The following ZBTB20 variants were observed in gnomAD, a reference collection of about 807,000 sequenced individuals.
ZBTB20 encodes the protein zinc finger and BTB domain containing 20.
ZBTB20 carries 9 observed loss-of-function variants against 56.9 expected under a neutral mutation model. That is an observed-to-expected ratio of 0.16 (90% CI 0.10 to 0.28). The LOEUF (loss-of-function observed/expected upper bound fraction) is 0.28. ZBTB20 is among the 10% of genes least tolerant of loss of function. The pLI is 1.00. For synonymous variants in ZBTB20, 417 were observed against 420.7 expected, an observed-to-expected ratio of 0.99 and a Z score of 0.11; for missense variants, 655 against 1,003.0, an observed-to-expected ratio of 0.65 and a Z score of 4.69.
At chr3:114,402,396 G>A (rs752325754) in intron 7 of ZBTB20, among the ~76,000 whole-genome samples, 3 of 152,082 alleles carry the variant, frequency 2.0e-5, no homozygotes, top group Non-Finnish European at 4.4e-5. Context: ...GGCTAAAAAG[G>A]AAAAGAGAGA....
intron 7 of ZBTB20, among the ~76,000 whole-genome samples, chr3:114,463,622 G>A (rs143226720): frequency 1.3e-5 from 2 of 152,226 alleles, no homozygotes; most frequent in South Asian, 2.1e-4. Context: ...ATCTTCAAAG[G>A]CTTTTTCTTG....
At chr3:114,908,617 A>G (rs1350986149) in intron 3 of ZBTB20, among the ~76,000 whole-genome samples, 1 of 152,014 alleles carries the variant, frequency 6.6e-6, no homozygotes, top group Non-Finnish European at 1.5e-5. Flanking sequence ...AAATCCGAAG[A>G]AAGGTTCATC....
At chr3:114,885,442 T>TCC (rs2076566126) in intron 4 of ZBTB20, among the ~76,000 whole-genome samples, 1 of 151,916 alleles carries the variant, frequency 6.6e-6, no homozygotes, top group Non-Finnish European at 1.5e-5. Context: ...TTAGTGTCTC[T>TCC]CTCTCGGTCT....
At chr3:115,011,831 T>TA (rs962309659) in intron 2 of ZBTB20, among the ~76,000 whole-genome samples, 1 of 151,412 alleles carries the variant, frequency 6.6e-6, no homozygotes, top group African/African-American at 2.4e-5. Flanking sequence ...GATGAACCGA[T>TA]AAAAAAAATA....
chr3:114,513,966 ATATG>A (rs1021034900), intron 6 of ZBTB20, among the ~76,000 whole-genome samples: 1 of 151,904 alleles, frequency 6.6e-6, no homozygotes, highest in Non-Finnish European at 1.5e-5. Flanking sequence ...TACTGCATAA[ATATG>A]TATGTATGTA....
intron 6 of ZBTB20, among the ~76,000 whole-genome samples, chr3:114,686,150 C>T (rs1242876229): frequency 6.6e-6 from 1 of 152,114 alleles, no homozygotes; most frequent in Non-Finnish European, 1.5e-5. Context: ...TTGATATGTG[C>T]AGCTTAAGGA....
At chr3:114,444,239 T>C (rs576668480) in intron 7 of ZBTB20, among the ~76,000 whole-genome samples, 1 of 152,298 alleles carries the variant, frequency 6.6e-6, no homozygotes, top group East Asian at 1.9e-4. Context: ...CTACAATTTC[T>C]CAAAACTTTT....
intron 7 of ZBTB20, among the ~76,000 whole-genome samples, chr3:114,488,623 C>CT (rs1281059957): frequency 6.6e-6 from 1 of 152,078 alleles, no homozygotes; most frequent in African/African-American, 2.4e-5. Context: ...TGGGCAGTCT[C>CT]TTTTTTTGTT....
chr3:114,439,325 AC>A (rs1247474020), intron 7 of ZBTB20, among the ~76,000 whole-genome samples: 8 of 152,136 alleles, frequency 5.3e-5, no homozygotes, highest in Non-Finnish European at 1.0e-4. Context: ...CAGGTGAATT[AC>A]CACAATAACT....
chr3:114,969,248 A>G (rs2077772498), intron 3 of ZBTB20, among the ~76,000 whole-genome samples: 1 of 152,200 alleles, frequency 6.6e-6, no homozygotes, highest in South Asian at 2.1e-4. Flanking sequence ...AGGGGTTGAC[A>G]GAAGAAAGGA....
intron 5 of ZBTB20, among the ~76,000 whole-genome samples, chr3:114,728,590 T>G (rs2065479597): frequency 6.6e-6 from 1 of 152,234 alleles, no homozygotes; most frequent in African/African-American, 2.4e-5. Flanking sequence ...CTCTCAGTTG[T>G]AACCATCGTC....
At chr3:114,874,024 C>T (rs2076104004) in intron 4 of ZBTB20, 1 of 152,200 alleles carries the variant, frequency 6.6e-6, no homozygotes, top group African/African-American at 2.4e-5. Context: ...GACTTTGCCT[C>T]TGTAGCACTC....
chr3:114,926,716 A>G (rs912590839), intron 3 of ZBTB20, among the ~76,000 whole-genome samples: 2 of 152,170 alleles, frequency 1.3e-5, no homozygotes, highest in Admixed American at 1.3e-4. Context: ...TTTATATATA[A>G]CAAATACCCA....
chr3:115,105,765 G>A lies in ZBTB20; in HGVS notation c.-702-34351C>T, dbSNP rs147094488. On this transcript the variant is annotated intron_variant, in intron 1 of 11. Transcript: ENST00000675478. ...ATATTTCCTATTTTCTATAGCCTGA[G>A]AAAGGAATTAAAAAAGCAAGAATTC... 9.7e-4 allele frequency among the ~76,000 whole-genome samples: 148 copies of A among 152,244 alleles called. 1 individual carries two copies. Among genetic ancestry groups the A allele is most frequent in the African/African-American group, 3.4e-3 (143 of 41,548 alleles).
chr3:115,113,763 G>A (rs573011713), intron 1 of ZBTB20, among the ~76,000 whole-genome samples: 1 of 152,228 alleles, frequency 6.6e-6, no homozygotes, highest in South Asian at 2.1e-4. Flanking sequence ...AGCAAAATGT[G>A]GAAGCAGCAG....
intron 4 of ZBTB20, among the ~76,000 whole-genome samples, chr3:114,896,513 A>G (rs1357024284): frequency 6.6e-6 from 1 of 152,144 alleles, no homozygotes; most frequent in Non-Finnish European, 1.5e-5. Context: ...GAGAAATACT[A>G]TATGATTCCA....
Position 114,812,645 on chromosome 3 carries a change from C to T in ZBTB20, c.-416-11471G>A, listed in dbSNP as rs182147575. Among the ~76,000 whole-genome samples the T allele has an allele frequency of 8.3e-4, 126 of 152,360 alleles. 1 individual carries two copies. Among genetic ancestry groups the T allele is most frequent in the Middle Eastern group, 6.8e-3 (2 of 294 alleles). On this transcript the variant is annotated intron_variant, in intron 4 of 11. Coordinates refer to ENST00000675478, the MANE Select transcript of ZBTB20 (RefSeq NM_001348800.3). ...CCCAGCTGGCTTCACCCAGTGGATC[C>T]CGCACCCGGGCTGCAGGTGGAGCTG...
At position 114,315,537 on chromosome 3, in the gene ZBTB20, GT is replaced by G. The variant is rs1222549911; in HGVS notation, c.*23467del. On this transcript the variant is annotated 3_prime_UTR_variant, in exon 12 of 12. Coordinates refer to ENST00000675478, the MANE Select transcript of ZBTB20 (RefSeq NM_001348800.3). ...GGTCACATAAACATACAGTGTGTGC[GT>G]GGGTGTGTGTATTTTAGGTCTAAAC... 6.6e-6 allele frequency: 1 copy of G among 152,256 alleles called. No individual in the cohort carries two copies. The highest frequency in any genetic ancestry group is 1.9e-4 in the East Asian group (1 of 5,178). The allele number at this position is 152,256 out of a possible 1,614,324, so 9.4% of individuals were successfully genotyped here.
At chr3:114,914,942 T>C (rs917322380) in intron 3 of ZBTB20, among the ~76,000 whole-genome samples, 2 of 151,950 alleles carry the variant, frequency 1.3e-5, no homozygotes, top group African/African-American at 2.4e-5. Context: ...ATGATCCTAA[T>C]GTGTTGTTGA....
Sources: allele counts gnomAD v4.1 joint callset (sites outside exome capture counted in the v4.1 genomes callset), GRCh38; gene constraint gnomAD v4.1.1; transcripts MANE v1.5; gene names NCBI Gene and HGNC (gene_info 2026-07-23, HGNC 2026-07-21).